Variants in LSAMP observed in about 807,000 individuals in gnomAD.
LSAMP encodes the protein limbic system-associated membrane protein.
In LSAMP, 7 loss-of-function variants were observed where a neutral mutation model predicts 38.6. The observed-to-expected ratio is 0.18, with a 90% CI of 0.10 to 0.34. The LOEUF (loss-of-function observed/expected upper bound fraction) is 0.34, where lower values mean the gene tolerates loss of function less well. Among genes scored for constraint, LSAMP ranks in the 10% least tolerant of loss-of-function variants. The pLI is 1.00. For missense variants in LSAMP, 313 were observed against 420.0 expected (o/e 0.75, Z 2.23); for synonymous variants, 154 against 166.8 (o/e 0.92, Z 0.59).
intron 6 of LSAMP, among the ~76,000 whole-genome samples, chr3:115,830,230 A>T (rs1331605523): frequency 6.6e-6 from 1 of 152,188 alleles, no homozygotes; most frequent in African/African-American, 2.4e-5. Context: ...CTTTCATATA[A>T]ATCTGTGTGA....
intron 1 of LSAMP, among the ~76,000 whole-genome samples, chr3:116,306,080 G>A (rs1308138846): frequency 6.6e-6 from 1 of 151,904 alleles, no homozygotes; most frequent in Non-Finnish European, 1.5e-5. Flanking sequence ...ATTCATGAAA[G>A]GCTATCACGT....
At chr3:116,254,751 A>C (rs1488525289) in intron 1 of LSAMP, among the ~76,000 whole-genome samples, 1 of 152,136 alleles carries the variant, frequency 6.6e-6, no homozygotes, top group Non-Finnish European at 1.5e-5. Context: ...TGGAAGATGC[A>C]CCAATGGTTG....
At chr3:116,122,542 A>G (rs1332122958) in intron 1 of LSAMP, among the ~76,000 whole-genome samples, 1 of 151,198 alleles carries the variant, frequency 6.6e-6, no homozygotes, top group Non-Finnish European at 1.5e-5. Flanking sequence ...GTACTTTTTA[A>G]TATGTTTTTC....
chr3:116,242,732 G>C (rs139309898), intron 1 of LSAMP, among the ~76,000 whole-genome samples: 1 of 150,694 alleles, frequency 6.6e-6, no homozygotes, highest in Non-Finnish European at 1.5e-5. Context: ...CAGCCCAAAC[G>C]TGTTCAACCT....
chr3:115,851,627 T>C (rs1935333523), intron 4 of LSAMP, among the ~76,000 whole-genome samples: 1 of 152,208 alleles, frequency 6.6e-6, no homozygotes, highest in Non-Finnish European at 1.5e-5. Flanking sequence ...TGTATGCCTG[T>C]GTGCCTATAT....
intron 1 of LSAMP, among the ~76,000 whole-genome samples, chr3:116,093,925 G>A (rs1363111206): frequency 1.3e-5 from 2 of 152,096 alleles, no homozygotes; most frequent in Non-Finnish European, 2.9e-5. Context: ...AAGATAATTG[G>A]TCTGGGAAGT....
intron 2 of LSAMP, among the ~76,000 whole-genome samples, chr3:116,078,788 A>G (rs1576349875): frequency 1.3e-5 from 2 of 152,128 alleles, no homozygotes; most frequent in African/African-American, 4.8e-5. Context: ...TTTTGAGTAC[A>G]TTCTTACTTC....
At chr3:115,953,927 G>T (rs1168205009) in intron 3 of LSAMP, among the ~76,000 whole-genome samples, 1 of 152,030 alleles carries the variant, frequency 6.6e-6, no homozygotes, top group African/African-American at 2.4e-5. Context: ...CATTTCTCAG[G>T]TCAAATGTCT....
intron 3 of LSAMP, among the ~76,000 whole-genome samples, chr3:115,866,059 G>C (rs895883909): frequency 2.0e-5 from 3 of 151,964 alleles, no homozygotes; most frequent in Admixed American, 2.0e-4. Context: ...TTCTCTCTCT[G>C]TGTCTCTTGT....
chr3:115,834,992 G>T (rs1292184596), intron 6 of LSAMP, among the ~76,000 whole-genome samples: 1 of 152,078 alleles, frequency 6.6e-6, no homozygotes, highest in Non-Finnish European at 1.5e-5. Context: ...GCTCATGATA[G>T]ATGAACGTGT....
intron 2 of LSAMP, among the ~76,000 whole-genome samples, chr3:116,049,687 A>C (rs752269690): frequency 7.2e-5 from 11 of 152,198 alleles, no homozygotes; most frequent in Non-Finnish European, 1.3e-4. Flanking sequence ...TTTCTGAAGG[A>C]TAGTTCTGGA....
At chr3:116,201,783 C>CT (rs1372811958) in intron 1 of LSAMP, among the ~76,000 whole-genome samples, 1 of 152,146 alleles carries the variant, frequency 6.6e-6, no homozygotes, top group Non-Finnish European at 1.5e-5. Context: ...CTGGACCTAA[C>CT]TGAAGACTCT....
intron 3 of LSAMP, among the ~76,000 whole-genome samples, chr3:116,000,586 A>G (rs1939961551): frequency 6.6e-6 from 1 of 152,190 alleles, no homozygotes. Context: ...ACATTAGCTT[A>G]TTCATTCACT....
chr3:115,992,870 G>A (rs1193654730), intron 3 of LSAMP, among the ~76,000 whole-genome samples: 1 of 152,072 alleles, frequency 6.6e-6, no homozygotes, highest in African/African-American at 2.4e-5. Context: ...GTCTCCCTTG[G>A]ATGCTGGCTG....
intron 2 of LSAMP, among the ~76,000 whole-genome samples, chr3:116,047,165 T>G (rs559995126): frequency 1.3e-5 from 2 of 152,312 alleles, no homozygotes; most frequent in East Asian, 3.9e-4. Flanking sequence ...GTCTGATGAC[T>G]ACTCTCTCAA....
chr3:116,291,712 T>C (rs1365733962), intron 1 of LSAMP, among the ~76,000 whole-genome samples: 1 of 152,162 alleles, frequency 6.6e-6, no homozygotes, highest in African/African-American at 2.4e-5. Flanking sequence ...TGATGCCCCA[T>C]TGTAACTTCC....
intron 1 of LSAMP, among the ~76,000 whole-genome samples, chr3:116,098,982 A>G (rs1708285546): frequency 1.3e-5 from 2 of 152,220 alleles, no homozygotes; most frequent in Admixed American, 6.5e-5. Flanking sequence ...TGCAGCTGCA[A>G]TCTCCAACCT....
rs115318114 is a variant in LSAMP, at chr3:116,009,615, C to T, written c.514+9900G>A. ...TGATCAGCCAAATTTGTAAATCCAG[C>T]GGCCATCTAATATTGGCCACAAAAG... On this transcript the variant is annotated intron_variant, in intron 3 of 6. Transcript: ENST00000490035. Among the ~76,000 whole-genome samples the T allele has an allele frequency of 7.8e-3, 1,193 of 152,274 alleles. 11 individuals are homozygous for T. Among genetic ancestry groups the T allele is most frequent in the African/African-American group, 0.027 (1,102 of 41,552 alleles).
chr3:115,917,813 C>T (rs1046134753), intron 3 of LSAMP, among the ~76,000 whole-genome samples: 3 of 152,136 alleles, frequency 2.0e-5, no homozygotes, highest in African/African-American at 7.2e-5. Flanking sequence ...TTATAAAACA[C>T]TTTATTGAGC....
Sources: gnomAD v4.1 joint callset for allele counts (sites outside exome capture counted in the v4.1 genomes callset) on GRCh38, gnomAD v4.1.1 for gene constraint, MANE v1.5 for transcripts, NCBI Gene and HGNC (gene_info 2026-07-23, HGNC 2026-07-21) for gene names.